The following NBEAL1 variants were observed in gnomAD, a reference collection of about 807,000 sequenced individuals.
The protein encoded by NBEAL1 is neurobeachin like 1.
NBEAL1 carries 273 observed loss-of-function variants against 351.3 expected under a neutral mutation model. The observed-to-expected ratio is 0.78, with a 90% confidence interval of 0.70 to 0.86. NBEAL1 has a LOEUF of 0.86. NBEAL1 is among the 40% of genes least tolerant of loss of function. NBEAL1 has a pLI of 0.00. For synonymous variants in NBEAL1, 1,050 were observed against 1,086.4 expected (o/e 0.97, Z 0.66); for missense variants, 2,961 against 3,201.3 (o/e 0.92, Z 1.81).
chr2:203,024,558 AAAAAAAG>A (rs1487370414), intron 2 of NBEAL1, among the ~76,000 whole-genome samples: 1 of 151,602 alleles, frequency 6.6e-6, no homozygotes, highest in Non-Finnish European at 1.5e-5. Context: ...TCTCAAAAAA[AAAAAAAG>A]AAAAAAAGAA....
chr2:203,162,976 C>T (rs1000528021), intron 36 of NBEAL1, among the ~76,000 whole-genome samples: 22 of 151,956 alleles, frequency 1.4e-4, no homozygotes, highest in Non-Finnish European at 2.8e-4. Flanking sequence ...ATAATGAAAC[C>T]CGAAACCCAG....
intron 1 of NBEAL1, among the ~76,000 whole-genome samples, chr2:203,015,317 G>T (rs924582522): frequency 6.6e-6 from 1 of 152,154 alleles, no homozygotes; most frequent in Non-Finnish European, 1.5e-5. Context: ...GTGTGTGCGT[G>T]CCCACTTCTC....
In NBEAL1 at chr2:203,223,267, CA is replaced by C. The variant is rs1335743728; in HGVS notation, c.*5916del. 4.6e-5 allele frequency among the ~76,000 whole-genome samples: 7 copies of C among 152,008 alleles called. No individual in the cohort carries two copies. Among genetic ancestry groups the C allele is most frequent in the Non-Finnish European group, 2.9e-5 (2 of 67,940 alleles). On this transcript the variant is annotated 3_prime_UTR_variant, in exon 56 of 56. Transcript: ENST00000683969. ...AACTGAAAATTCAGAAGGAAAAGAACAAATAGAAAGCTACTAATTCAATATT... is the reference window on the plus strand; with the variant it reads ...AACTGAAAATTCAGAAGGAAAAGAACAATAGAAAGCTACTAATTCAATATT...
chr2:203,078,689 T>G (rs1336333953), intron 8 of NBEAL1, among the ~76,000 whole-genome samples: 1 of 152,222 alleles, frequency 6.6e-6, no homozygotes, highest in African/African-American at 2.4e-5. Context: ...AGGATTATAG[T>G]TCAGAAAGTA....
At chr2:203,108,735 G>A (rs928039939) in intron 14 of NBEAL1, among the ~76,000 whole-genome samples, 3 of 152,040 alleles carry the variant, frequency 2.0e-5, no homozygotes, top group African/African-American at 7.2e-5. Context: ...GTGTAAAAGT[G>A]AAAGGAAAAA....
chr2:203,095,621 A>G (rs2062167199), intron 10 of NBEAL1, among the ~76,000 whole-genome samples: 1 of 151,854 alleles, frequency 6.6e-6, no homozygotes, highest in African/African-American at 2.4e-5. Flanking sequence ...CTTCTTACGG[A>G]TTGCTATATT....
chr2:203,118,319 A>G (rs2062746558), intron 18 of NBEAL1, among the ~76,000 whole-genome samples: 1 of 152,166 alleles, frequency 6.6e-6, no homozygotes, highest in Non-Finnish European at 1.5e-5. Context: ...TTTTCCAAAA[A>G]TATTTGTATA....
intron 3 of NBEAL1, among the ~76,000 whole-genome samples, chr2:203,043,165 G>A (rs2061170242): frequency 6.6e-6 from 1 of 152,090 alleles, no homozygotes; most frequent in South Asian, 2.1e-4. Context: ...ACATCTTAGA[G>A]GAGGTGAAGT....
chr2:203,027,402 T>C (rs2060876017), intron 2 of NBEAL1, among the ~76,000 whole-genome samples: 1 of 152,210 alleles, frequency 6.6e-6, no homozygotes, highest in African/African-American at 2.4e-5. Flanking sequence ...GTGACTTACC[T>C]TCAGGCTGGT....
intron 9 of NBEAL1, among the ~76,000 whole-genome samples, chr2:203,083,813 G>A (rs2061915103): frequency 6.6e-6 from 1 of 152,054 alleles, no homozygotes. Flanking sequence ...TGAAATTCTA[G>A]GAAAAGTAAA....
chr2:203,175,110 A>T, intron 41 of NBEAL1, 37 bp from the exon 42 acceptor site: 1 of 1,553,080 alleles, frequency 6.4e-7, no homozygotes, highest in Non-Finnish European at 8.8e-7. Context: ...GTACTTTATT[A>T]TTGTGGTTTT....
intron 36 of NBEAL1, among the ~76,000 whole-genome samples, chr2:203,161,583 C>T (rs891575880): frequency 5.3e-5 from 8 of 151,112 alleles, no homozygotes; most frequent in Non-Finnish European, 1.2e-4. Flanking sequence ...GAGCTGAGAT[C>T]ACTCCACTGC....
At chr2:203,135,500 C>G (rs1241123897) in intron 27 of NBEAL1, among the ~76,000 whole-genome samples, 177 bp from the exon 28 acceptor site, 2 of 152,104 alleles carry the variant, frequency 1.3e-5, no homozygotes, top group Admixed American at 6.6e-5. Flanking sequence ...TAGTTGGAAA[C>G]ACAGTGCCAG....
In NBEAL1 at chr2:203,133,072, T is replaced by G. The variant is rs1315619635; in HGVS notation, c.3739T>G (p.Phe1247Val). 1.1e-5 allele frequency: 17 copies of G among 1,482,862 alleles called. No homozygotes were observed. Among genetic ancestry groups the G allele is most frequent in the African/African-American group, 2.8e-5 (2 of 70,732 alleles). The allele number at this position is 1,482,862 out of a possible 1,614,324, so 91.9% of individuals were successfully genotyped here. The part of the protein sequence containing the change: ...QIINTDPVIN[F>V]KDLLSVVYIS... Reference sequence around the variant, plus strand: ...TCCTACCATAGATCCTGTTATTAATTTCAAAGATCTACTATCTGTGGTATA... The same window carrying G: ...TCCTACCATAGATCCTGTTATTAATGTCAAAGATCTACTATCTGTGGTATA... Residue 1247 changes from phenylalanine to valine, a missense_variant, in exon 27 of 56, where the codon TTC becomes GTC. By Grantham distance (50) the Phe-to-Val change is conservative. Transcript: ENST00000683969.
intron 29 of NBEAL1, 66 bp downstream of exon 29, chr2:203,136,840 G>C (rs1283593957): frequency 7.4e-7 from 1 of 1,347,768 alleles, no homozygotes; most frequent in Non-Finnish European, 1.0e-6. Context: ...AATAACGTTA[G>C]TTATTGAACA....
chr2:203,167,452 T>C, intron 38 of NBEAL1, 92 bp downstream of exon 38: 1 of 1,252,118 alleles, frequency 8.0e-7, no homozygotes, highest in Non-Finnish European at 1.1e-6. Flanking sequence ...CTGTATTCTT[T>C]TATCAAGACA....
chr2:203,215,636 C>G (rs1324011555), intron 55 of NBEAL1, among the ~76,000 whole-genome samples: 1 of 150,486 alleles, frequency 6.6e-6, no homozygotes, highest in African/African-American at 2.4e-5. Flanking sequence ...TGCAGTGAAC[C>G]AAGATCGTGC....
At chr2:203,172,601 T>C (rs981038529) in intron 40 of NBEAL1, 128 bp from the exon 41 acceptor site, 1 of 759,746 alleles carries the variant, frequency 1.3e-6, no homozygotes, top group African/African-American at 1.8e-5. Flanking sequence ...GAATGGATAT[T>C]TACAACAGGG....
intron 24 of NBEAL1, among the ~76,000 whole-genome samples, chr2:203,129,942 G>A (rs974735418): frequency 2.0e-5 from 3 of 152,144 alleles, no homozygotes; most frequent in African/African-American, 7.2e-5. Flanking sequence ...TGGGTGGATC[G>A]CTTGAGCCGA....
Sources: allele counts gnomAD v4.1 joint callset (sites outside exome capture counted in the v4.1 genomes callset), GRCh38; gene constraint gnomAD v4.1.1; transcripts MANE v1.5; gene names NCBI Gene and HGNC (gene_info 2026-07-23, HGNC 2026-07-21).